Variants in WWOX observed in about 807,000 individuals in gnomAD.
The protein encoded by WWOX is WW domain containing oxidoreductase, also known as WW domain-containing oxidoreductase.
WWOX carries 69 observed loss-of-function variants against 46.2 expected under a neutral mutation model. The ratio of observed to expected loss-of-function variants is 1.49; its 90% CI spans 1.23 to 1.82. The LOEUF is 1.82. Ranked by LOEUF, WWOX falls within the 40% of genes most tolerant of loss-of-function variation. The pLI is 0.00. For synonymous variants in WWOX, 359 were observed against 202.6 expected, an observed-to-expected ratio of 1.77 and a Z score of -6.56; for missense variants, 919 against 542.6, an observed-to-expected ratio of 1.69 and a Z score of -6.89.
intron 6 of WWOX, among the ~76,000 whole-genome samples, chr16:78,389,256 G>T (rs2151935929): frequency 6.6e-6 from 1 of 152,318 alleles, no homozygotes; most frequent in South Asian, 2.1e-4. Context: ...CAAGACATTT[G>T]TTCGCTGATT....
At chr16:79,129,581 C>G (rs962799348) in intron 8 of WWOX, among the ~76,000 whole-genome samples, 4 of 151,772 alleles carry the variant, frequency 2.6e-5, no homozygotes, top group Non-Finnish European at 4.4e-5. Context: ...TTACCTCTAC[C>G]TGGTATATTT....
chr16:78,866,925 G>A (rs2044016598), intron 8 of WWOX, among the ~76,000 whole-genome samples: 2 of 152,222 alleles, frequency 1.3e-5, no homozygotes, highest in Admixed American at 1.3e-4. Context: ...TTGGTCTGAA[G>A]CTTCAAATAT....
intron 5 of WWOX, among the ~76,000 whole-genome samples, chr16:78,294,423 T>C (rs1396072430): frequency 6.6e-6 from 1 of 152,110 alleles, no homozygotes; most frequent in African/African-American, 2.4e-5. Context: ...CTCTTTCCAA[T>C]ATTGCTGGCT....
intron 8 of WWOX, among the ~76,000 whole-genome samples, chr16:78,546,956 A>G (rs534950932): frequency 4.6e-5 from 7 of 151,692 alleles, no homozygotes; most frequent in Admixed American, 2.0e-4. Flanking sequence ...GTGAAACCCT[A>G]CCTCTACAAA....
chr16:79,015,783 C>T (rs563530369), intron 8 of WWOX, among the ~76,000 whole-genome samples: 140 of 152,008 alleles, frequency 9.2e-4, no homozygotes, highest in South Asian at 4.6e-3. Flanking sequence ...GACAGACTGT[C>T]GCTCTGTCGC....
intron 5 of WWOX, among the ~76,000 whole-genome samples, chr16:78,280,481 A>G (rs1452595658): frequency 6.6e-6 from 1 of 152,208 alleles, no homozygotes; most frequent in East Asian, 1.9e-4. Flanking sequence ...CTGTAAAGAA[A>G]TGCTTGAGAC....
intron 5 of WWOX, among the ~76,000 whole-genome samples, chr16:78,281,994 C>T (rs1214251881): frequency 6.6e-6 from 1 of 152,158 alleles, no homozygotes; most frequent in Non-Finnish European, 1.5e-5. Context: ...GGCTTGTTCC[C>T]CCAGTGACAA....
intron 8 of WWOX, among the ~76,000 whole-genome samples, chr16:79,093,521 A>C (rs2049006720): frequency 6.6e-6 from 1 of 152,064 alleles, no homozygotes; most frequent in Non-Finnish European, 1.5e-5. Context: ...AATGAAAAAG[A>C]GTCATTTAAC....
intron 5 of WWOX, among the ~76,000 whole-genome samples, chr16:78,257,998 A>G (rs921054788): frequency 2.6e-5 from 4 of 152,198 alleles, no homozygotes; most frequent in Non-Finnish European, 5.9e-5. Context: ...AAACAACTAT[A>G]TTTAAATGCA....
At chr16:79,091,544 T>C (rs1331702125) in intron 8 of WWOX, among the ~76,000 whole-genome samples, 1 of 152,134 alleles carries the variant, frequency 6.6e-6, no homozygotes, top group African/African-American at 2.4e-5. Flanking sequence ...TGCAGTCATC[T>C]TGGAGAGAGG....
chr16:78,237,724 A>G (rs2037490736), intron 5 of WWOX: 1 of 152,244 alleles, frequency 6.6e-6, no homozygotes, highest in Non-Finnish European at 1.5e-5. Flanking sequence ...TTCTTGAAGG[A>G]GGAAAATGAT....
chr16:78,539,410 A>G (rs1726738174), intron 8 of WWOX, among the ~76,000 whole-genome samples: 1 of 152,202 alleles, frequency 6.6e-6, no homozygotes, highest in African/African-American at 2.4e-5. Context: ...AACATACAGC[A>G]TTATTTTAGG....
intron 4 of WWOX, among the ~76,000 whole-genome samples, chr16:78,150,092 T>C (rs922061568): frequency 4.1e-4 from 62 of 152,170 alleles, no homozygotes; most frequent in African/African-American, 1.5e-3. Context: ...AGTTCAAGAT[T>C]GTCAAGTGCA....
intron 3 of WWOX, 74 bp downstream of exon 3, chr16:78,109,909 A>G (rs942083110): frequency 1.7e-5 from 25 of 1,479,082 alleles, no homozygotes; most frequent in African/African-American, 1.5e-4. Flanking sequence ...AAAGTAATAC[A>G]TAGTAACTGT....
intron 6 of WWOX, among the ~76,000 whole-genome samples, chr16:78,404,591 C>A (rs1025571587): frequency 6.6e-6 from 1 of 152,130 alleles, no homozygotes; most frequent in Non-Finnish European, 1.5e-5. Context: ...TCTTTCATAT[C>A]ACAACTAAAT....
chr16:78,470,675 A>ACC (rs1231014310), intron 8 of WWOX, among the ~76,000 whole-genome samples: 18 of 152,094 alleles, frequency 1.2e-4, no homozygotes, highest in African/African-American at 4.1e-4. Context: ...GATTACAGGC[A>ACC]CGCCACCACA....
chr16:79,188,927 T>A (rs1044214119), intron 8 of WWOX, among the ~76,000 whole-genome samples: 7 of 152,236 alleles, frequency 4.6e-5, no homozygotes, highest in African/African-American at 1.7e-4. Context: ...AGGGAAAATA[T>A]TACTTCTCAT....
chr16:79,034,876 T>A (rs2047835603), intron 8 of WWOX, among the ~76,000 whole-genome samples: 1 of 152,176 alleles, frequency 6.6e-6, no homozygotes. Context: ...ATTATTACTT[T>A]AAAAATAAAA....
intron 6 of WWOX, among the ~76,000 whole-genome samples, chr16:78,404,750 C>T (rs28432312): frequency 6.6e-6 from 1 of 152,054 alleles, no homozygotes; most frequent in Non-Finnish European, 1.5e-5. Context: ...GTTACTTTTT[C>T]TTACTTTCCC....
Sources: allele counts gnomAD v4.1 joint callset (sites outside exome capture counted in the v4.1 genomes callset), GRCh38; gene constraint gnomAD v4.1.1; transcripts MANE v1.5; gene names NCBI Gene and HGNC (gene_info 2026-07-23, HGNC 2026-07-21).